ANKRD26: variants seen among roughly 807,000 people sequenced by gnomAD.
ANKRD26 encodes the protein ankyrin repeat domain 26.
A neutral mutation model predicts 208.7 loss-of-function variants in ANKRD26; 141 were observed. That is an observed-to-expected ratio of 0.68 (90% CI 0.59 to 0.78). ANKRD26 has a LOEUF of 0.78. Ranked by LOEUF, ANKRD26 falls within the 30% of genes least tolerant of loss-of-function variation. The probability of loss-of-function intolerance (pLI) is 0.00; values close to 1 mark genes in which losing one functional copy is unlikely to be tolerated. For synonymous variants in ANKRD26, 636 were observed against 660.4 expected, an observed-to-expected ratio of 0.96 and a Z score of 0.57; for missense variants, 1,889 against 1,938.7, an observed-to-expected ratio of 0.97 and a Z score of 0.48.
intron 18 of ANKRD26, 44 bp downstream of exon 18, chr10:27,046,309 A>G: frequency 3.1e-6 from 5 of 1,592,888 alleles, no homozygotes; most frequent in Non-Finnish European, 4.3e-6. Context: ...AAAAATTACT[A>G]CTAACCTTCC....
chr10:27,100,478 G>A lies in ANKRD26; in HGVS notation c.-152C>T, dbSNP rs886745244. 17 of 1,197,322 alleles carry A rather than the reference G, an allele frequency of 1.4e-5. No homozygotes were observed. In the African/African-American group the frequency reaches 2.3e-4, roughly 16 times the overall value. 74.2% of individuals were successfully genotyped at this position (1,197,322 alleles called of 1,614,324 possible). Reference sequence around the variant, plus strand: ...TCTCTCCCTCCGGGTTACCAAGCAAGCGATCCCGCTAGACACAAGTGCGCA... The same window carrying A: ...TCTCTCCCTCCGGGTTACCAAGCAAACGATCCCGCTAGACACAAGTGCGCA... On this transcript the variant is annotated 5_prime_UTR_variant, in exon 1 of 34. Transcript: ENST00000376087.
At chr10:26,990,135 A>G (rs2052460108), downstream of ANKRD26, among the ~76,000 whole-genome samples, 1 of 152,166 alleles carries the variant, frequency 6.6e-6, no homozygotes. Context: ...CAGGTGCACT[A>G]ATATGGGCAT....
At chr10:27,077,126 A>T in intron 9 of ANKRD26, 1 of 579,650 alleles carries the variant, frequency 1.7e-6, no homozygotes, top group Non-Finnish European at 3.1e-6. Context: ...CGAATCCAAC[A>T]GCACATCACA....
the ANKRD26 span, among the ~76,000 whole-genome samples, chr10:26,963,485 G>A: frequency 6.6e-6 from 1 of 152,170 alleles, no homozygotes; most frequent in Non-Finnish European, 1.5e-5. Flanking sequence ...CGAACACCTA[G>A]TGAAGCTGAT....
rs200199151 is a variant in ANKRD26 at position 27,077,470 on chromosome 10, T to C, written c.945A>G (p.Gln315=). ...TLFEDRDSDS[Q]DEVVVESLPT... ...GAAGGCTTTCAACCACAACTTCATC[T>C]TGACTATCGGAATCTCTATCCTCAA... The change falls in exon 9 of 34, where the codon CAA becomes CAG. Residue 315 remains glutamine (Q), a synonymous_variant. Coordinates refer to ENST00000376087, the MANE Select transcript of ANKRD26 (RefSeq NM_014915.3). The C allele has an allele frequency of 9.2e-5, 149 of 1,614,052 alleles. No homozygotes were observed. In the African/African-American group the frequency reaches 1.7e-3, roughly 18 times the overall value.
intron 20 of ANKRD26, among the ~76,000 whole-genome samples, chr10:27,043,172 A>G (rs2054320288): frequency 2.6e-5 from 4 of 151,710 alleles, no homozygotes. Context: ...ATAAAAAATT[A>G]AAATGAAAAA....
At chr10:27,003,458 G>T (rs2052770575), downstream of ANKRD26, among the ~76,000 whole-genome samples, 1 of 152,174 alleles carries the variant, frequency 6.6e-6, no homozygotes, top group South Asian at 2.1e-4. Flanking sequence ...CCAATGAAAT[G>T]CTTTATCTTG....
chr10:27,058,383 T>C (rs556968779), intron 15 of ANKRD26, among the ~76,000 whole-genome samples: 1 of 152,346 alleles, frequency 6.6e-6, no homozygotes, highest in South Asian at 2.1e-4. Flanking sequence ...AGCTAGGATG[T>C]ATCGTAACAT....
intron 15 of ANKRD26, among the ~76,000 whole-genome samples, chr10:27,055,539 G>A (rs929217160): frequency 2.6e-5 from 4 of 152,276 alleles, no homozygotes; most frequent in East Asian, 3.9e-4. Context: ...TAAGGGCACC[G>A]AGTTAAACTG....
intron 6 of ANKRD26, 113 bp downstream of exon 6, chr10:27,082,690 G>A (rs904521067): frequency 4.9e-6 from 7 of 1,417,842 alleles, no homozygotes; most frequent in African/African-American, 1.5e-5. Flanking sequence ...AAAGCTGTTG[G>A]GACGACTATA....
chr10:27,011,046 T>C (rs1260332952), intron 32 of ANKRD26, among the ~76,000 whole-genome samples: 1 of 152,192 alleles, frequency 6.6e-6, no homozygotes, highest in Non-Finnish European at 1.5e-5. Flanking sequence ...GACTTGGTCT[T>C]CTATGATTTG....
At chr10:26,997,180 T>A (rs1346426925) in intron 4 of ANKRD26, among the ~76,000 whole-genome samples, 1 of 152,176 alleles carries the variant, frequency 6.6e-6, no homozygotes, top group Non-Finnish European at 1.5e-5. Context: ...TTTAGGGCCC[T>A]TGGTTGGTAG....
At chr10:27,049,517 A>G (rs2054576183) in intron 16 of ANKRD26, among the ~76,000 whole-genome samples, 1 of 152,194 alleles carries the variant, frequency 6.6e-6, no homozygotes, top group Non-Finnish European at 1.5e-5. Context: ...TGCTCACTGA[A>G]ATACAGAAAC....
At chr10:26,987,261 C>T (rs1589168188), downstream of ANKRD26, among the ~76,000 whole-genome samples, 1 of 151,998 alleles carries the variant, frequency 6.6e-6, no homozygotes, top group East Asian at 2.0e-4. Flanking sequence ...AGGGGAACAT[C>T]ACACACCGGG....
chr10:26,968,844 T>C (rs2134578112), downstream of ANKRD26, among the ~76,000 whole-genome samples: 1 of 152,326 alleles, frequency 6.6e-6, no homozygotes, highest in South Asian at 2.1e-4. Context: ...ATTACTTTTA[T>C]TAACAAAAAT....
At chr10:27,058,649 C>T (rs1438604848) in intron 15 of ANKRD26, among the ~76,000 whole-genome samples, 1 of 151,758 alleles carries the variant, frequency 6.6e-6, no homozygotes, top group Non-Finnish European at 1.5e-5. Flanking sequence ...CATCTCGGCT[C>T]ACTGCAACCT....
intron 28 of ANKRD26, among the ~76,000 whole-genome samples, chr10:27,022,989 TC>T (rs1217595315): frequency 2.0e-5 from 3 of 152,192 alleles, no homozygotes; most frequent in Non-Finnish European, 2.9e-5. Context: ...TAACTTATTA[TC>T]AAATATTAGC....
At chr10:27,041,789 GA>G (rs919531537) in intron 20 of ANKRD26, among the ~76,000 whole-genome samples, 29 of 151,392 alleles carry the variant, frequency 1.9e-4, no homozygotes, top group Non-Finnish European at 7.4e-5. Context: ...AAGAGAGACA[GA>G]AAAAAAATGT....
chr10:27,042,147 T>G (rs576060859), intron 20 of ANKRD26, among the ~76,000 whole-genome samples: 1 of 151,988 alleles, frequency 6.6e-6, no homozygotes, highest in African/African-American at 2.4e-5. Context: ...CAGAACCACA[T>G]GTACGCAGCC....
Sources: allele counts gnomAD v4.1 joint callset (sites outside exome capture counted in the v4.1 genomes callset), GRCh38; gene constraint gnomAD v4.1.1; transcripts MANE v1.5; gene names NCBI Gene and HGNC (gene_info 2026-07-23, HGNC 2026-07-21).